GPC6: variants seen among roughly 807,000 people sequenced by gnomAD.
GPC6 encodes glypican 6.
In GPC6, 14 loss-of-function variants were observed where a neutral mutation model predicts 55.2. The ratio of observed to expected loss-of-function variants is 0.25; its 90% CI spans 0.17 to 0.40. GPC6 has a LOEUF of 0.40. Among genes scored for constraint, GPC6 ranks in the 10% least tolerant of loss-of-function variants. GPC6 has a pLI of 1.00. For synonymous variants in GPC6, 278 were observed against 259.6 expected (o/e 1.07, Z -0.68); for missense variants, 641 against 708.5 (o/e 0.90, Z 1.08).
intron 4 of GPC6, among the ~76,000 whole-genome samples, chr13:94,208,778 A>T (rs1293249689): frequency 2.7e-5 from 4 of 150,392 alleles, no homozygotes; most frequent in Non-Finnish European, 1.5e-5. Context: ...AAAAAAAAAA[A>T]ACAAGCTGGG....
intron 3 of GPC6, among the ~76,000 whole-genome samples, chr13:93,916,350 G>A: frequency 6.6e-6 from 1 of 152,068 alleles, no homozygotes; most frequent in East Asian, 1.9e-4. Context: ...TTTGGTTGGT[G>A]GCTTGGTGTT....
chr13:93,924,621 TATAA>T (rs1341801603), intron 3 of GPC6, among the ~76,000 whole-genome samples: 1 of 152,052 alleles, frequency 6.6e-6, no homozygotes, highest in African/African-American at 2.4e-5. Flanking sequence ...TATTCTTAAA[TATAA>T]ATACCTTCTT....
chr13:94,072,357 CTGTT>C (rs1230163000), intron 4 of GPC6, among the ~76,000 whole-genome samples: 8 of 151,484 alleles, frequency 5.3e-5, no homozygotes, highest in Admixed American at 4.6e-4. Flanking sequence ...TTTTGTTTGC[CTGTT>C]TGTTTGTTTT....
intron 2 of GPC6, among the ~76,000 whole-genome samples, chr13:93,552,651 C>A (rs9516255): frequency 6.6e-6 from 1 of 152,028 alleles, no homozygotes; most frequent in Non-Finnish European, 1.5e-5. Flanking sequence ...ACATTATGCT[C>A]CCAGTGTGGT....
intron 1 of GPC6, among the ~76,000 whole-genome samples, chr13:93,354,257 A>G (rs1435305067): frequency 6.6e-6 from 1 of 152,088 alleles, no homozygotes; most frequent in Non-Finnish European, 1.5e-5. Flanking sequence ...TGAGTTGTTC[A>G]TGGTAAACTG....
At chr13:93,714,572 C>A (rs183695439) in intron 2 of GPC6, among the ~76,000 whole-genome samples, 11 of 151,818 alleles carry the variant, frequency 7.2e-5, no homozygotes, top group Admixed American at 3.9e-4. Context: ...ACCCAGTGTT[C>A]CCATTCCTGG....
At chr13:93,363,418 AATG>A (rs1193990724) in intron 1 of GPC6, among the ~76,000 whole-genome samples, 3 of 151,954 alleles carry the variant, frequency 2.0e-5, no homozygotes, top group African/African-American at 4.8e-5. Flanking sequence ...GTTTACTGAG[AATG>A]ATGATTTCCG....
chr13:94,210,853 A>G (rs1451479256), intron 4 of GPC6, among the ~76,000 whole-genome samples: 1 of 152,228 alleles, frequency 6.6e-6, no homozygotes, highest in Non-Finnish European at 1.5e-5. Context: ...AACAAATCCT[A>G]CATTACAGTT....
At chr13:94,214,060 C>T (rs1190569522) in intron 4 of GPC6, among the ~76,000 whole-genome samples, 2 of 152,158 alleles carry the variant, frequency 1.3e-5, no homozygotes, top group African/African-American at 4.8e-5. Context: ...AAAATATTGT[C>T]AGTCTCTTAG....
At chr13:94,050,780 C>G (rs1205485358) in intron 4 of GPC6, among the ~76,000 whole-genome samples, 1 of 152,138 alleles carries the variant, frequency 6.6e-6, no homozygotes, top group Non-Finnish European at 1.5e-5. Context: ...AACAGGCTTC[C>G]TGACAGCTCT....
chr13:93,610,310 T>C lies in GPC6; in HGVS notation c.319+64889T>C, dbSNP rs535479732. On this transcript the variant is annotated intron_variant, in intron 2 of 8. Coordinates refer to ENST00000377047, the MANE Select transcript of GPC6 (RefSeq NM_005708.5). ...ATCAGAGTTTGGTTCTGATCAATGA[T>C]ATTTCTAGCATTTTTTGCCACCAAC... is the stretch of plus-strand genomic sequence containing the variant. Among the ~76,000 whole-genome samples the C allele has an allele frequency of 5.3e-5, 8 of 152,358 alleles. No homozygotes were observed. In the South Asian group the frequency reaches 1.7e-3, roughly 32 times the overall value.
At chr13:94,391,371 G>A (rs749782561) in intron 7 of GPC6, among the ~76,000 whole-genome samples, 39 of 152,070 alleles carry the variant, frequency 2.6e-4, no homozygotes, top group Non-Finnish European at 1.3e-4. Context: ...CACACTGCGG[G>A]GTCCCAGAGA....
At chr13:93,512,097 T>A (rs1881002324) in intron 1 of GPC6, among the ~76,000 whole-genome samples, 1 of 152,114 alleles carries the variant, frequency 6.6e-6, no homozygotes, top group African/African-American at 2.4e-5. Flanking sequence ...ATCTTCAGGC[T>A]TTCCTAAATA....
At chr13:93,860,961 A>T (rs1192728125) in intron 3 of GPC6, among the ~76,000 whole-genome samples, 1 of 151,512 alleles carries the variant, frequency 6.6e-6, no homozygotes, top group Non-Finnish European at 1.5e-5. Flanking sequence ...TGCATGCAGG[A>T]CTTGGAACTT....
intron 1 of GPC6, among the ~76,000 whole-genome samples, chr13:93,301,689 C>A (rs958434641): frequency 6.6e-6 from 1 of 152,148 alleles, no homozygotes; most frequent in Admixed American, 6.5e-5. Flanking sequence ...GAGGCATGTG[C>A]TTCTTTATAG....
chr13:93,523,469 T>C (rs1392651692), intron 1 of GPC6, among the ~76,000 whole-genome samples: 1 of 144,456 alleles, frequency 6.9e-6, no homozygotes, highest in Admixed American at 7.0e-5. Flanking sequence ...ACATATGACA[T>C]TTTACACACA....
chr13:93,943,212 A>G (rs1878822442), intron 3 of GPC6, among the ~76,000 whole-genome samples: 1 of 152,210 alleles, frequency 6.6e-6, no homozygotes, highest in African/African-American at 2.4e-5. Context: ...TATGTACAGT[A>G]TACTGAATTA....
At chr13:93,418,372 T>C (rs1876782524) in intron 1 of GPC6, among the ~76,000 whole-genome samples, 2 of 151,292 alleles carry the variant, frequency 1.3e-5, no homozygotes, top group Admixed American at 1.3e-4. Context: ...TATACCATAG[T>C]ATTATTTTAT....
At chr13:93,450,811 T>C in intron 1 of GPC6, 5 of 517,140 alleles carry the variant, frequency 9.7e-6, no homozygotes, top group Non-Finnish European at 1.2e-5. Context: ...ACAAGGAATT[T>C]GTATTTTATC....
Sources: allele counts gnomAD v4.1 joint callset (sites outside exome capture counted in the v4.1 genomes callset), GRCh38; gene constraint gnomAD v4.1.1; transcripts MANE v1.5; gene names NCBI Gene and HGNC (gene_info 2026-07-23, HGNC 2026-07-21).